Variants in CTSC observed in about 807,000 individuals in gnomAD.
CTSC encodes cathepsin C, also known as dipeptidyl peptidase 1.
Under a neutral mutation model 40.9 loss-of-function variants are expected in CTSC, and 37 were observed. That is an observed-to-expected ratio of 0.91 (90% CI 0.70 to 1.19). The LOEUF is 1.19. Ranked by LOEUF, CTSC falls within the 50% of genes most tolerant of loss-of-function variation. The probability of loss-of-function intolerance (pLI) is 0.00; values close to 1 mark genes in which losing one functional copy is unlikely to be tolerated. For missense variants in CTSC, 594 were observed against 567.3 expected, an observed-to-expected ratio of 1.05 and a Z score of -0.48; for synonymous variants, 232 against 207.4, an observed-to-expected ratio of 1.12 and a Z score of -1.02.
At chr11:88,328,903 T>G (rs1211345932) in intron 2 of CTSC, among the ~76,000 whole-genome samples, 2 of 152,168 alleles carry the variant, frequency 1.3e-5, no homozygotes, top group East Asian at 1.9e-4. Flanking sequence ...TTGTTTTGAG[T>G]AGCAACTTGC....
At chr11:88,326,307 G>C (rs768768446) in intron 2 of CTSC, 4 of 1,612,864 alleles carry the variant, frequency 2.5e-6, no homozygotes, top group Non-Finnish European at 3.4e-6. Flanking sequence ...CTCCAGAAGG[G>C]ACTGTAGCTG....
At chr11:88,319,871 C>T (rs1450512212) in intron 2 of CTSC, among the ~76,000 whole-genome samples, 2 of 151,982 alleles carry the variant, frequency 1.3e-5, no homozygotes, top group African/African-American at 4.8e-5. Context: ...GATGATTAAC[C>T]AAATATGGAA....
rs1182990433 is a variant in CTSC, at chr11:88,296,281, G to T, written c.758-17C>A. On this transcript the variant is annotated splice_polypyrimidine_tract_variant and intron_variant, in intron 5 of 6. Coordinates refer to ENST00000227266, the MANE Select transcript of CTSC (RefSeq NM_001814.6). ...CACAGGATGCTGGCGATGAAAAAAA[G>T]ACACATAATCCAAGAGACATCTGAA... 1.2e-6 allele frequency: 2 copies of T among 1,613,128 alleles called. No individual in the cohort carries two copies. The highest frequency in any genetic ancestry group is 3.3e-5 in the Admixed American group (2 of 59,970).
chr11:88,322,564 C>T (rs1480645409), intron 2 of CTSC: 1 of 151,952 alleles, frequency 6.6e-6, no homozygotes, highest in Admixed American at 6.6e-5. Context: ...CAAACAGACA[C>T]AATAAAAAAT....
rs757756621 is a variant in CTSC at position 88,300,614 on chromosome 11, G to T, written c.673C>A (p.Gln225Lys). The change falls in exon 5 of 7, where the codon CAG becomes AAG. Residue 225 changes from glutamine (Q) to lysine (K), a missense_variant. Coordinates refer to ENST00000227266, the MANE Select transcript of CTSC (RefSeq NM_001814.6). ...GTTGGCAAATGCAAAATCTTTTGCT[G>T]TATTTCAGCAGTCAGTGGTGCAGGT... Reference protein sequence around the residue: ...PKPAPLTAEIQQKILHLPTSW... With the variant: ...PKPAPLTAEIKQKILHLPTSW... 10 of 1,613,528 alleles carry T rather than the reference G, an allele frequency of 6.2e-6. No homozygotes were observed. The highest frequency in any genetic ancestry group is 1.7e-4 in the Middle Eastern group (1 of 6,060).
chr11:88,333,685 G>A (rs991628893), intron 2 of CTSC, among the ~76,000 whole-genome samples: 2 of 143,408 alleles, frequency 1.4e-5, no homozygotes, highest in Non-Finnish European at 3.0e-5. Flanking sequence ...AGATACTATT[G>A]TAAGTATGTT....
intron 2 of CTSC, among the ~76,000 whole-genome samples, chr11:88,328,635 G>A (rs529208199): frequency 6.6e-6 from 1 of 152,154 alleles, no homozygotes; most frequent in South Asian, 2.1e-4. Flanking sequence ...GTTTCTGTTT[G>A]TTTTGTTTTT....
At chr11:88,326,179 T>A in intron 2 of CTSC, 2 of 1,351,664 alleles carry the variant, frequency 1.5e-6, no homozygotes, top group East Asian at 2.6e-5. Context: ...TCCTGTGTAG[T>A]CTCTGGTTGT....
chr11:88,329,875 C>T (rs910804141), intron 2 of CTSC, among the ~76,000 whole-genome samples: 8 of 152,070 alleles, frequency 5.3e-5, no homozygotes, highest in Non-Finnish European at 1.0e-4. Flanking sequence ...TACAGGCGTG[C>T]GCTGCTATGC....
intron 4 of CTSC, among the ~76,000 whole-genome samples, chr11:88,301,663 G>T (rs1281050154): frequency 2.0e-5 from 3 of 152,160 alleles, no homozygotes; most frequent in Admixed American, 2.0e-4. Context: ...ATATGACAGT[G>T]TTGGGCTGTA....
chr11:88,336,417 T>C (rs1262400844), intron 1 of CTSC, among the ~76,000 whole-genome samples: 1 of 150,742 alleles, frequency 6.6e-6, no homozygotes, highest in Non-Finnish European at 1.5e-5. Flanking sequence ...CATGTGCCCG[T>C]AATCCTAGCT....
intron 2 of CTSC, among the ~76,000 whole-genome samples, chr11:88,316,501 A>AAATAAATAAATAAATG (rs1211606419): frequency 1.4e-5 from 2 of 140,952 alleles, no homozygotes; most frequent in East Asian, 2.0e-4. Flanking sequence ...ATAAATAAAT[A>AAATAAATAAATAAATG]AATGAAGCAG....
At chr11:88,332,453 C>T (rs749686719) in intron 2 of CTSC, among the ~76,000 whole-genome samples, 3 of 152,132 alleles carry the variant, frequency 2.0e-5, no homozygotes, top group Non-Finnish European at 2.9e-5. Context: ...AAATGTCACC[C>T]ATCAACAGTG....
At chr11:88,295,661 A>C (rs979312092) in intron 6 of CTSC, among the ~76,000 whole-genome samples, 2 of 152,166 alleles carry the variant, frequency 1.3e-5, no homozygotes, top group Admixed American at 6.5e-5. Flanking sequence ...GGTTATAGGC[A>C]TAAGCCACTG....
At chr11:88,317,095 T>C (rs1302292155) in intron 2 of CTSC, among the ~76,000 whole-genome samples, 13 of 152,130 alleles carry the variant, frequency 8.5e-5, no homozygotes, top group Admixed American at 7.9e-4. Flanking sequence ...GCCGCCTGAG[T>C]AGCTGGGATT....
At chr11:88,313,042 C>A (rs1306749200) in intron 2 of CTSC, among the ~76,000 whole-genome samples, 1 of 152,126 alleles carries the variant, frequency 6.6e-6, no homozygotes, top group Non-Finnish European at 1.5e-5. Context: ...GAGACAAGGG[C>A]CACACTAGGA....
At chr11:88,299,015 G>C (rs1390105855) in intron 5 of CTSC, 1 of 151,992 alleles carries the variant, frequency 6.6e-6, no homozygotes, top group Non-Finnish European at 1.5e-5. Flanking sequence ...TGTTTTGCTT[G>C]TATGTCTTGC....
rs372699929 is a variant in CTSC, at chr11:88,299,101, T to A, written c.757+1429A>T. The A allele has an allele frequency of 3.9e-5, 6 of 152,298 alleles. No homozygotes were observed. In the South Asian group the frequency reaches 1.2e-3, roughly 32 times the overall value. The allele number at this position is 152,298 out of a possible 1,614,324, so 9.4% of individuals were successfully genotyped here. A position where few individuals can be genotyped will look rare whatever the true frequency, so the allele number is the denominator to read the frequency against. ...CTCTGCCATTAAAAAAATCCTAATATATTTTAGATGTTCTGGTAACAACAC... is the reference window on the plus strand; with the variant it reads ...CTCTGCCATTAAAAAAATCCTAATAAATTTTAGATGTTCTGGTAACAACAC... On this transcript the variant is annotated intron_variant, in intron 5 of 6. Coordinates refer to ENST00000227266, the MANE Select transcript of CTSC (RefSeq NM_001814.6).
intron 6 of CTSC, among the ~76,000 whole-genome samples, chr11:88,295,017 C>A (rs1944282632): frequency 6.6e-6 from 1 of 152,188 alleles, no homozygotes; most frequent in African/African-American, 2.4e-5. Flanking sequence ...CTCATGCAGT[C>A]CTGGCCCTAT....
Sources: allele counts gnomAD v4.1 joint callset (sites outside exome capture counted in the v4.1 genomes callset), GRCh38; gene constraint gnomAD v4.1.1; transcripts MANE v1.5; gene names NCBI Gene and HGNC (gene_info 2026-07-23, HGNC 2026-07-21).